KHDRBS2: variants seen among roughly 807,000 people sequenced by gnomAD.
KHDRBS2 encodes the protein KH domain-containing, RNA-binding, signal transduction-associated protein 2.
KHDRBS2 carries 26 observed loss-of-function variants against 44.3 expected under a neutral mutation model. The observed-to-expected ratio is 0.59, with a 90% CI of 0.43 to 0.81. KHDRBS2 has a LOEUF of 0.81. Ranked by LOEUF, KHDRBS2 falls within the 40% of genes least tolerant of loss-of-function variation. The pLI, the probability that KHDRBS2 is intolerant of heterozygous loss-of-function variation, is 0.00. For missense variants in KHDRBS2, 476 were observed against 433.1 expected, an observed-to-expected ratio of 1.10 and a Z score of -0.88; for synonymous variants, 194 against 151.1, an observed-to-expected ratio of 1.28 and a Z score of -2.08.
At chr6:62,251,909 T>C (rs1480073979) in intron 1 of KHDRBS2, among the ~76,000 whole-genome samples, 1 of 151,886 alleles carries the variant, frequency 6.6e-6, no homozygotes, top group Non-Finnish European at 1.5e-5. Flanking sequence ...GTTGTGAGGA[T>C]AATAAAAATC....
chr6:62,056,895 G>A (rs780682822), intron 2 of KHDRBS2, among the ~76,000 whole-genome samples: 1 of 151,852 alleles, frequency 6.6e-6, no homozygotes, highest in East Asian at 1.9e-4. Context: ...TGATTCTTGC[G>A]ACACATTTCC....
chr6:62,067,159 G>A (rs758514989), intron 2 of KHDRBS2, among the ~76,000 whole-genome samples: 1 of 151,480 alleles, frequency 6.6e-6, no homozygotes, highest in African/African-American at 2.4e-5. Flanking sequence ...CCCAATTCCA[G>A]TTAGTATTCC....
the KHDRBS2 span, among the ~76,000 whole-genome samples, chr6:61,633,356 C>T: frequency 6.6e-6 from 1 of 151,930 alleles, no homozygotes; most frequent in African/African-American, 2.4e-5. Flanking sequence ...ATAATTGTTG[C>T]TATAGATCCC....
intron 7 of KHDRBS2, among the ~76,000 whole-genome samples, chr6:61,721,153 C>G (rs1192814001): frequency 1.3e-5 from 2 of 151,982 alleles, no homozygotes; most frequent in East Asian, 3.9e-4. Context: ...TGTTTTGGTA[C>G]CAGTACCATG....
intron 4 of KHDRBS2, among the ~76,000 whole-genome samples, chr6:61,951,696 C>T (rs1483071251): frequency 2.0e-5 from 3 of 152,010 alleles, no homozygotes; most frequent in Non-Finnish European, 4.4e-5. Context: ...AATTACTGAA[C>T]ACTCACAGGA....
chr6:62,164,795 A>G (rs1448009739), intron 2 of KHDRBS2, among the ~76,000 whole-genome samples: 2 of 151,930 alleles, frequency 1.3e-5, no homozygotes, highest in African/African-American at 4.8e-5. Flanking sequence ...TGACCAAGAC[A>G]CTATGAAGTG....
At chr6:61,606,169 G>A in the KHDRBS2 span, among the ~76,000 whole-genome samples, 37 of 152,066 alleles carry the variant, frequency 2.4e-4, no homozygotes, top group Non-Finnish European at 4.3e-4. Flanking sequence ...ATCTCCCTTC[G>A]CTGAGTCTCT....
chr6:61,957,307 G>A (rs1269372994), intron 4 of KHDRBS2, among the ~76,000 whole-genome samples: 6 of 152,148 alleles, frequency 3.9e-5, no homozygotes, highest in Non-Finnish European at 7.3e-5. Context: ...CTTGATAAAA[G>A]AACAGGATAA....
At chr6:62,104,257 A>G (rs1333169773) in intron 2 of KHDRBS2, among the ~76,000 whole-genome samples, 1 of 152,224 alleles carries the variant, frequency 6.6e-6, no homozygotes, top group Non-Finnish European at 1.5e-5. Context: ...TAGAACATTT[A>G]CACAAACTAG....
intron 3 of KHDRBS2, among the ~76,000 whole-genome samples, chr6:61,997,647 T>G (rs1291764184): frequency 6.6e-6 from 1 of 152,128 alleles, no homozygotes; most frequent in Non-Finnish European, 1.5e-5. Flanking sequence ...AATGAGCACT[T>G]TTAGGGTTTA....
In KHDRBS2 at chr6:61,719,986, T is replaced by C. The variant is rs577811948; in HGVS notation, c.893+12696A>G. Among the ~76,000 whole-genome samples the C allele has an allele frequency of 5.4e-3, 824 of 152,080 alleles. 7 individuals are homozygous for C. Among genetic ancestry groups the C allele is most frequent in the Non-Finnish European group, 5.0e-3 (337 of 67,998 alleles). On this transcript the variant is annotated intron_variant, in intron 7 of 8. Transcript: ENST00000281156. Reference sequence around the variant, plus strand: ...ATGTTCCCCTTCCTGTGTCCATGTGTTCTCATTGTTCAATTCCCACCTATG... The same window carrying C: ...ATGTTCCCCTTCCTGTGTCCATGTGCTCTCATTGTTCAATTCCCACCTATG...
At chr6:62,090,901 T>C (rs2127363476) in intron 2 of KHDRBS2, among the ~76,000 whole-genome samples, 1 of 152,330 alleles carries the variant, frequency 6.6e-6, no homozygotes, top group South Asian at 2.1e-4. Flanking sequence ...ACAGGGAATA[T>C]GGACCAACAA....
intron 1 of KHDRBS2, among the ~76,000 whole-genome samples, chr6:62,281,797 A>G (rs1041055938): frequency 7.2e-5 from 11 of 152,038 alleles, no homozygotes; most frequent in Non-Finnish European, 8.8e-5. Context: ...AGAGAGGTGG[A>G]AAAAAAATGA....
At chr6:61,578,049 T>G in the KHDRBS2 span, among the ~76,000 whole-genome samples, 1 of 152,142 alleles carries the variant, frequency 6.6e-6, no homozygotes, top group African/African-American at 2.4e-5. Context: ...AGAAATCTCA[T>G]GTCTTGAAGG....
intron 3 of KHDRBS2, among the ~76,000 whole-genome samples, chr6:62,041,403 G>A (rs182673146): frequency 1.1e-4 from 17 of 152,102 alleles, no homozygotes; most frequent in African/African-American, 3.9e-4. Flanking sequence ...CATCCTCAGT[G>A]GTAGAAAAGA....
At chr6:61,672,610 T>G in the KHDRBS2 span, among the ~76,000 whole-genome samples, 1 of 151,824 alleles carries the variant, frequency 6.6e-6, no homozygotes, top group African/African-American at 2.4e-5. Context: ...TGGTGAGCAT[T>G]TTTTCATGTG....
At chr6:62,271,080 T>C (rs1840015120) in intron 1 of KHDRBS2, among the ~76,000 whole-genome samples, 1 of 152,142 alleles carries the variant, frequency 6.6e-6, no homozygotes, top group Admixed American at 6.6e-5. Context: ...CAAATTATAA[T>C]AAATGTGTCA....
At chr6:61,635,489 C>T in the KHDRBS2 span, among the ~76,000 whole-genome samples, 1 of 151,990 alleles carries the variant, frequency 6.6e-6, no homozygotes, top group Non-Finnish European at 1.5e-5. Context: ...TGTAAATTTA[C>T]TTAAGTGCAC....
chr6:61,761,457 T>C (rs542920501), intron 6 of KHDRBS2, among the ~76,000 whole-genome samples: 11 of 152,190 alleles, frequency 7.2e-5, no homozygotes, highest in Non-Finnish European at 1.5e-4. Context: ...AATGGTTCAT[T>C]TTAATCTAGG....
Sources: gnomAD v4.1 joint callset for allele counts (sites outside exome capture counted in the v4.1 genomes callset) on GRCh38, gnomAD v4.1.1 for gene constraint, MANE v1.5 for transcripts, NCBI Gene and HGNC (gene_info 2026-07-23, HGNC 2026-07-21) for gene names.